The following TMEM108 variants were observed in gnomAD, a reference collection of about 807,000 sequenced individuals.
TMEM108 encodes the protein cancer/testis antigen 124.
Under a neutral mutation model 35.1 loss-of-function variants are expected in TMEM108, and 12 were observed. The observed-to-expected ratio is 0.34, with a 90% CI of 0.22 to 0.55. The LOEUF (loss-of-function observed/expected upper bound fraction) is 0.55, where lower values mean the gene tolerates loss of function less well. Among genes scored for constraint, TMEM108 ranks in the 20% least tolerant of loss-of-function variants. The pLI is 0.89. For missense variants in TMEM108, 680 were observed against 753.3 expected (o/e 0.90, Z 1.14); for synonymous variants, 287 against 308.6 (o/e 0.93, Z 0.73).
chr3:133,300,094 C>G (rs894169660), intron 3 of TMEM108, among the ~76,000 whole-genome samples: 1 of 152,148 alleles, frequency 6.6e-6, no homozygotes, highest in African/African-American at 2.4e-5. Context: ...CCTTCCCTTA[C>G]TCCATAGCTC....
At chr3:133,280,736 CCTT>C (rs1266287933) in intron 3 of TMEM108, among the ~76,000 whole-genome samples, 5 of 152,284 alleles carry the variant, frequency 3.3e-5, no homozygotes, top group African/African-American at 9.6e-5. Context: ...GCAAGGTAGT[CCTT>C]CTGGTTTTGA....
intron 3 of TMEM108, among the ~76,000 whole-genome samples, chr3:133,292,576 C>T (rs1420818821): frequency 1.3e-5 from 2 of 152,184 alleles, no homozygotes; most frequent in African/African-American, 4.8e-5. Context: ...CATGAACAGC[C>T]CACCCAAGTG....
At chr3:133,067,238 G>C (rs1943618975) in intron 2 of TMEM108, among the ~76,000 whole-genome samples, 1 of 152,062 alleles carries the variant, frequency 6.6e-6, no homozygotes, top group African/African-American at 2.4e-5. Flanking sequence ...AGAGATTTCT[G>C]CTCCCACTAG....
intron 2 of TMEM108, among the ~76,000 whole-genome samples, chr3:133,168,662 G>A (rs1261081201): frequency 2.6e-5 from 4 of 152,192 alleles, no homozygotes; most frequent in Non-Finnish European, 5.9e-5. Flanking sequence ...GGATGTGGGT[G>A]GGACCAAATA....
rs138761472 is a variant in TMEM108 at position 133,269,697 on chromosome 3, T to C, written c.40+40346T>C. Reference sequence around the variant, plus strand: ...TTTTTAATTGGACTCTCACATGATATGAAGTTTTCATTGCTATTTAGAGTG... The same window carrying C: ...TTTTTAATTGGACTCTCACATGATACGAAGTTTTCATTGCTATTTAGAGTG... On this transcript the variant is annotated intron_variant, in intron 3 of 5. Transcript: ENST00000321871. 2.4e-3 allele frequency among the ~76,000 whole-genome samples: 359 copies of C among 152,344 alleles called. 1 individual carries two copies. The highest frequency in any genetic ancestry group is 7.9e-3 in the African/African-American group (329 of 41,582).
At chr3:133,147,277 A>G (rs1223872532) in intron 2 of TMEM108, among the ~76,000 whole-genome samples, 1 of 152,080 alleles carries the variant, frequency 6.6e-6, no homozygotes, top group African/African-American at 2.4e-5. Context: ...GGTGTGAGTG[A>G]GTTTCTTAAT....
intron 3 of TMEM108, among the ~76,000 whole-genome samples, chr3:133,308,440 G>T (rs967950565): frequency 3.9e-5 from 6 of 152,120 alleles, no homozygotes; most frequent in Admixed American, 3.9e-4. Flanking sequence ...TCTTGTGCTG[G>T]TTATCAAAGG....
intron 2 of TMEM108, among the ~76,000 whole-genome samples, chr3:133,115,535 A>G (rs926251212): frequency 6.6e-6 from 1 of 152,246 alleles, no homozygotes; most frequent in African/African-American, 2.4e-5. Context: ...GGAATGCAAA[A>G]CCAGGTTATC....
intron 3 of TMEM108, among the ~76,000 whole-genome samples, chr3:133,235,663 C>A (rs550660693): frequency 6.6e-6 from 1 of 152,118 alleles, no homozygotes; most frequent in African/African-American, 2.4e-5. Flanking sequence ...TTCTTACTGG[C>A]CTTCCTGCCT....
intron 3 of TMEM108, among the ~76,000 whole-genome samples, chr3:133,284,442 A>G (rs1398578536): frequency 1.3e-5 from 2 of 152,218 alleles, no homozygotes; most frequent in Non-Finnish European, 2.9e-5. Flanking sequence ...TCTCTCAGGC[A>G]AACTAGTTTC....
chr3:133,153,221 C>A (rs988328862), intron 2 of TMEM108, among the ~76,000 whole-genome samples: 1 of 152,056 alleles, frequency 6.6e-6, no homozygotes, highest in Non-Finnish European at 1.5e-5. Context: ...TTGTTCGATT[C>A]CAGACAAATG....
chr3:133,362,412 A>G (rs1478033841), intron 3 of TMEM108, among the ~76,000 whole-genome samples: 1 of 152,166 alleles, frequency 6.6e-6, no homozygotes, highest in Non-Finnish European at 1.5e-5. Flanking sequence ...CCCCAGGGAA[A>G]CAAATGTGGC....
chr3:133,180,477 T>C (rs1251637741), intron 2 of TMEM108, among the ~76,000 whole-genome samples: 1 of 152,162 alleles, frequency 6.6e-6, no homozygotes, highest in East Asian at 1.9e-4. Context: ...CATATTTTTG[T>C]TTTTAGCATT....
At chr3:133,093,265 A>G (rs1943972227) in intron 2 of TMEM108, among the ~76,000 whole-genome samples, 2 of 152,216 alleles carry the variant, frequency 1.3e-5, no homozygotes, top group Admixed American at 6.5e-5. Context: ...TGCTGGGATT[A>G]CAGGCGTGAG....
chr3:133,287,071 G>T (rs1576433563), intron 3 of TMEM108, among the ~76,000 whole-genome samples: 1 of 152,174 alleles, frequency 6.6e-6, no homozygotes, highest in East Asian at 1.9e-4. Context: ...GCTTGGACAA[G>T]TAGGAGGCTC....
intron 2 of TMEM108, among the ~76,000 whole-genome samples, chr3:133,168,796 A>G (rs891986527): frequency 6.6e-6 from 1 of 152,104 alleles, no homozygotes; most frequent in African/African-American, 2.4e-5. Flanking sequence ...CTTTGGGTTT[A>G]CTTTGCCTTT....
chr3:133,323,552 C>T (rs1226584210), intron 3 of TMEM108, among the ~76,000 whole-genome samples: 5 of 152,174 alleles, frequency 3.3e-5, no homozygotes. Context: ...AAACACACCT[C>T]ATGCTCATGG....
At chr3:133,070,741 A>ATGTGTGTGTGTG (rs1354545717) in intron 2 of TMEM108, among the ~76,000 whole-genome samples, 2 of 86,186 alleles carry the variant, frequency 2.3e-5, no homozygotes, top group Admixed American at 1.3e-4. Flanking sequence ...GCTTTCTCTG[A>ATGTGTGTGTGTG]TGTATGTGTG....
intron 2 of TMEM108, among the ~76,000 whole-genome samples, chr3:133,194,593 T>C (rs1945550295): frequency 6.6e-6 from 1 of 151,738 alleles, no homozygotes; most frequent in Admixed American, 6.6e-5. Context: ...TTTTTTCTGA[T>C]CAGCAGGGGA....
Sources: allele counts gnomAD v4.1 joint callset (sites outside exome capture counted in the v4.1 genomes callset), GRCh38; gene constraint gnomAD v4.1.1; transcripts MANE v1.5; gene names NCBI Gene and HGNC (gene_info 2026-07-23, HGNC 2026-07-21).